The following ZNF644 variants were observed in gnomAD, a reference collection of about 807,000 sequenced individuals.
The protein encoded by ZNF644 is zinc finger motif enhancer binding protein 2.
In ZNF644, 20 loss-of-function variants were observed where a neutral mutation model predicts 108.0. The observed-to-expected ratio is 0.19, with a 90% CI of 0.13 to 0.27. ZNF644 has a LOEUF of 0.27. Ranked by LOEUF, ZNF644 falls within the 10% of genes least tolerant of loss-of-function variation. ZNF644 has a pLI of 1.00. For synonymous variants in ZNF644, 542 were observed against 539.1 expected (o/e 1.01, Z -0.08); for missense variants, 1,338 against 1,548.9 (o/e 0.86, Z 2.29).
intron 1 of ZNF644, among the ~76,000 whole-genome samples, chr1:90,986,783 C>A (rs924201886): frequency 1.3e-5 from 2 of 151,718 alleles, no homozygotes; most frequent in African/African-American, 4.8e-5. Context: ...AGGTAGGTCA[C>A]AAAACAAATC....
At chr1:90,995,120 A>T (rs1311450243) in intron 1 of ZNF644, among the ~76,000 whole-genome samples, 1 of 152,222 alleles carries the variant, frequency 6.6e-6, no homozygotes, top group Non-Finnish European at 1.5e-5. Flanking sequence ...ACAGATACTG[A>T]TTCTGAGTCT....
intron 1 of ZNF644, among the ~76,000 whole-genome samples, chr1:91,006,441 G>A (rs1359453737): frequency 9.2e-5 from 14 of 152,152 alleles, no homozygotes; most frequent in Non-Finnish European, 2.1e-4. Context: ...TGACCAGACT[G>A]CTTCCCTGGA....
intron 1 of ZNF644, chr1:91,020,326 T>C (rs556799350): frequency 2.0e-5 from 3 of 152,328 alleles, no homozygotes; most frequent in Admixed American, 6.5e-5. Context: ...AGTGATCTAA[T>C]GTGTTTAAAT....
intron 1 of ZNF644, among the ~76,000 whole-genome samples, chr1:91,012,731 C>A (rs1660072755): frequency 6.6e-6 from 1 of 152,050 alleles, no homozygotes; most frequent in Non-Finnish European, 1.5e-5. Context: ...CCTCTTCTCC[C>A]CAGGTGTAAC....
In ZNF644 at chr1:90,941,180, C is replaced by G; in HGVS notation, c.174G>C (p.Lys58Asn). The change falls in exon 3 of 6, where the codon AAG (lysine) becomes AAC (asparagine). Residue 58 changes from lysine to asparagine, a missense_variant. This residue lies in a region of ZNF644 where 464 missense variants were observed against 457.9 expected (regional missense o/e 1.01). Transcript: ENST00000337393. ...GAAATGATGTTTGACAATCTTTTGGCTTATGAACTCCGCTCTCTTTGTCTG... is the reference window on the plus strand; with the variant it reads ...GAAATGATGTTTGACAATCTTTTGGGTTATGAACTCCGCTCTCTTTGTCTG... ...FISDKESGVH[K>N]PKDCQTSFQK... 3 of 1,612,440 alleles carry G rather than the reference C, an allele frequency of 1.9e-6. No individual in the cohort carries two copies. In the South Asian group the frequency reaches 3.3e-5, roughly 18 times the overall value.
chr1:90,972,885 T>TG (rs1237295884), intron 2 of ZNF644: 2 of 152,210 alleles, frequency 1.3e-5, no homozygotes, highest in Admixed American at 6.6e-5. Flanking sequence ...TATATGATTC[T>TG]GCTTATGAGA....
intron 2 of ZNF644, among the ~76,000 whole-genome samples, chr1:90,957,426 T>A (rs999580050): frequency 6.6e-6 from 1 of 152,188 alleles, no homozygotes. Context: ...AAGTATCATA[T>A]AACATAACCA....
intron 1 of ZNF644, among the ~76,000 whole-genome samples, chr1:91,017,878 CT>C (rs1243316987): frequency 6.6e-6 from 1 of 152,172 alleles, no homozygotes; most frequent in Non-Finnish European, 1.5e-5. Flanking sequence ...AGGAGAATCA[CT>C]TGAACCTGAG....
At chr1:90,981,443 A>G (rs547737137) in intron 2 of ZNF644, among the ~76,000 whole-genome samples, 2 of 152,176 alleles carry the variant, frequency 1.3e-5, no homozygotes, top group South Asian at 2.1e-4. Flanking sequence ...CCTTCAGTGC[A>G]TATTACTGAA....
At chr1:90,967,577 C>T (rs1655043212) in intron 2 of ZNF644, among the ~76,000 whole-genome samples, 1 of 152,088 alleles carries the variant, frequency 6.6e-6, no homozygotes, top group African/African-American at 2.4e-5. Flanking sequence ...TAGTAGTCAA[C>T]CTAATGAAGG....
intron 1 of ZNF644, among the ~76,000 whole-genome samples, chr1:90,983,682 T>G (rs1570500438): frequency 6.6e-6 from 1 of 152,042 alleles, no homozygotes; most frequent in Admixed American, 6.6e-5. Context: ...ATCCCAGCAC[T>G]TTGGGAGGCC....
intron 2 of ZNF644, among the ~76,000 whole-genome samples, chr1:90,981,191 TA>T (rs1656511645): frequency 6.6e-6 from 1 of 152,092 alleles, no homozygotes; most frequent in Non-Finnish European, 1.5e-5. Flanking sequence ...GTGTTATTTC[TA>T]ATAAATGCTA....
At chr1:91,000,401 A>T (rs1570550552) in intron 1 of ZNF644, among the ~76,000 whole-genome samples, 1 of 152,230 alleles carries the variant, frequency 6.6e-6, no homozygotes, top group African/African-American at 2.4e-5. Flanking sequence ...AAACCGCTCA[A>T]CTACATGGAA....
intron 4 of ZNF644, 101 bp downstream of exon 4, chr1:90,937,384 G>A (rs1403802225): frequency 2.6e-6 from 4 of 1,536,214 alleles, no homozygotes; most frequent in South Asian, 1.2e-5. Flanking sequence ...AGCTTAAACA[G>A]GAAGATTGTG....
chr1:90,937,784 T>C lies in ZNF644; in HGVS notation c.3389A>G (p.Asn1130Ser), dbSNP rs1019832677. The part of the protein sequence containing the change: ...QNVIPLEAYR[N>S]GLKTEALSVS... ...TGACAGAGCTTCAGTCTTTAGGCCA[T>C]TACGGTATGCTTCAAGAGGTATAAC... The change falls in exon 4 of 6, where the codon AAT becomes AGT. Residue 1130 changes from asparagine (N) to serine (S), a missense_variant. Transcript: ENST00000337393. 1.9e-6 allele frequency: 3 copies of C among 1,613,782 alleles called. No homozygotes were observed. The African/African-American group carries it at 4.0e-5, about 22-fold the overall frequency.
At chr1:90,963,759 G>A (rs775205851) in intron 2 of ZNF644, among the ~76,000 whole-genome samples, 18 of 152,070 alleles carry the variant, frequency 1.2e-4, no homozygotes, top group Non-Finnish European at 2.4e-4. Context: ...TGGTTAACCT[G>A]GGAAAGAAAA....
rs371183213 is a variant in ZNF644 at position 90,939,539 on chromosome 1, C to T, written c.1815G>A (p.Thr605=). 3.2e-5 allele frequency: 52 copies of T among 1,613,800 alleles called. No individual in the cohort carries two copies. The highest frequency in any genetic ancestry group is 6.7e-5 in the East Asian group (3 of 44,882). The stretch of plus-strand genomic sequence containing the variant: ...CACATGATGATGAATGCAAGTACTC[C>T]GTGTGCTTTTTTAAAACACTTTTGG... The part of the protein sequence containing the change: ...TSAKSVLKKH[T]EYLHSSSCVD... The change falls in exon 3 of 6, where the codon ACG becomes ACA. Residue 605 remains threonine, a synonymous_variant. Transcript: ENST00000337393.
At chr1:90,989,724 T>C (rs1296935479) in intron 1 of ZNF644, among the ~76,000 whole-genome samples, 9 of 152,002 alleles carry the variant, frequency 5.9e-5, no homozygotes, top group Non-Finnish European at 1.0e-4. Context: ...TTGGGGAAAA[T>C]ATAAAATAGT....
intron 1 of ZNF644, among the ~76,000 whole-genome samples, chr1:90,989,241 TAAAACA>T (rs1160818298): frequency 6.6e-6 from 1 of 152,190 alleles, no homozygotes; most frequent in Non-Finnish European, 1.5e-5. Flanking sequence ...AGACAGCATA[TAAAACA>T]AGCACACAAA....
Sources: allele counts gnomAD v4.1 joint callset (sites outside exome capture counted in the v4.1 genomes callset), GRCh38; gene constraint gnomAD v4.1.1; regional missense constraint gnomAD v4.1.1; transcripts MANE v1.5; gene names NCBI Gene and HGNC (gene_info 2026-07-23, HGNC 2026-07-21).